Variants in RBL2 observed in about 807,000 individuals in gnomAD.
The protein encoded by RBL2 is retinoblastoma-like protein 2.
In RBL2, 56 loss-of-function variants were observed where a neutral mutation model predicts 126.0. That is an observed-to-expected ratio of 0.44 (90% CI 0.36 to 0.56). The LOEUF is 0.56. Ranked by LOEUF, RBL2 falls within the 20% of genes least tolerant of loss-of-function variation. RBL2 has a pLI of 0.00. For synonymous variants in RBL2, 454 were observed against 478.5 expected (o/e 0.95, Z 0.67); for missense variants, 1,229 against 1,398.2 (o/e 0.88, Z 1.93).
chr16:53,451,862 A>G (rs752811169), intron 5 of RBL2, 31 bp downstream of exon 5: 3 of 1,609,990 alleles, frequency 1.9e-6, no homozygotes, highest in Non-Finnish European at 1.7e-6. Flanking sequence ...TTTTTGGGCA[A>G]TCTGCGTTTC....
intron 5 of RBL2, among the ~76,000 whole-genome samples, chr16:53,452,393 T>C (rs1259419202): frequency 2.0e-5 from 3 of 152,190 alleles, no homozygotes; most frequent in African/African-American, 7.2e-5. Context: ...TTAAAAAGTA[T>C]GTATAGAGTT....
chr16:53,444,386 C>G (rs1353011702), intron 3 of RBL2, among the ~76,000 whole-genome samples: 1 of 151,798 alleles, frequency 6.6e-6, no homozygotes, highest in East Asian at 1.9e-4. Context: ...AACCCCGTCT[C>G]TACTAAAAAT....
chr16:53,458,414 G>A (rs1403352527), intron 8 of RBL2, among the ~76,000 whole-genome samples: 1 of 152,198 alleles, frequency 6.6e-6, no homozygotes, highest in Non-Finnish European at 1.5e-5. Flanking sequence ...TGTCAAGAAT[G>A]TTGACTTTAA....
At chr16:53,448,540 GTGGTAT>G (rs1367514779) in intron 4 of RBL2, among the ~76,000 whole-genome samples, 1 of 152,128 alleles carries the variant, frequency 6.6e-6, no homozygotes, top group East Asian at 1.9e-4. Flanking sequence ...CTGGAGTGCA[GTGGTAT>G]GATCTCTGCT....
chr16:53,475,414 C>T (rs1960689281), intron 17 of RBL2, among the ~76,000 whole-genome samples: 1 of 152,136 alleles, frequency 6.6e-6, no homozygotes, highest in African/African-American at 2.4e-5. Context: ...TGGAATTTCC[C>T]CATGTTGCCC....
intron 5 of RBL2, among the ~76,000 whole-genome samples, chr16:53,452,084 A>G (rs1295841155): frequency 1.3e-5 from 2 of 152,216 alleles, no homozygotes; most frequent in Non-Finnish European, 2.9e-5. Context: ...AGGAGAAGGC[A>G]TTTAGAAACT....
At chr16:53,464,436 C>G (rs2058252490) in intron 12 of RBL2, 73 bp downstream of exon 12, 7 of 1,247,568 alleles carry the variant, frequency 5.6e-6, no homozygotes, top group Non-Finnish European at 7.8e-6. Context: ...TCATTTAGTT[C>G]AAGTTAACAT....
rs1029930896 is a variant in RBL2 at position 53,465,692 on chromosome 16, G to A, written c.1863+90G>A. 31 of 1,027,876 alleles carry A rather than the reference G, an allele frequency of 3.0e-5. No homozygotes were observed. In the Admixed American group the frequency reaches 9.1e-4, roughly 30 times the overall value. 63.7% of individuals were successfully genotyped at this position (1,027,876 alleles called of 1,614,324 possible). On this transcript the variant is annotated intron_variant, in intron 13 of 21. Coordinates refer to ENST00000262133, the MANE Select transcript of RBL2 (RefSeq NM_005611.4). ...TTGGGGATGGGAGGGTGGCAATTAG[G>A]TTTAATATGTTATAATTACACCTTG...
chr16:53,440,477 A>G (rs981098127), intron 2 of RBL2, among the ~76,000 whole-genome samples: 2 of 152,194 alleles, frequency 1.3e-5, no homozygotes, highest in African/African-American at 4.8e-5. Flanking sequence ...CACAAAGGTT[A>G]TAATTCACAT....
At chr16:53,434,833 T>G in intron 1 of RBL2, 37 bp downstream of exon 1, 2 of 1,460,850 alleles carry the variant, frequency 1.4e-6, no homozygotes, top group Non-Finnish European at 1.8e-6. Flanking sequence ...CCGGCCTAGT[T>G]GGCGTGAACC....
chr16:53,480,459 T>TA (rs1960895499), intron 19 of RBL2, 108 bp from the exon 20 acceptor site: 5 of 893,206 alleles, frequency 5.6e-6, no homozygotes, highest in African/African-American at 5.0e-5. Context: ...TATTCACTGT[T>TA]ATTAGCAAGT....
intron 8 of RBL2, among the ~76,000 whole-genome samples, chr16:53,459,132 A>G (rs994472955): frequency 1.5e-4 from 23 of 152,244 alleles, no homozygotes; most frequent in Admixed American, 2.0e-4. Flanking sequence ...GCCTCCGAGC[A>G]TAAGTTTTAC....
At chr16:53,458,405 G>A (rs1741120790) in intron 8 of RBL2, among the ~76,000 whole-genome samples, 1 of 152,222 alleles carries the variant, frequency 6.6e-6, no homozygotes, top group African/African-American at 2.4e-5. Flanking sequence ...CATATTTATT[G>A]TCAAGAATGT....
Position 53,461,810 on chromosome 16 carries a change from G to A in RBL2, c.1416G>A (p.Gln472=), listed in dbSNP as rs1368886588. Residue 472 remains glutamine (Q), a synonymous_variant, in exon 10 of 22, where the codon CAG becomes CAA. Transcript: ENST00000262133. The part of the protein sequence containing the change: ...RLKEMFEIYS[Q]HFQPDEDFSN... The stretch of plus-strand genomic sequence containing the variant: ...AAGAAATGTTTGAAATATATTCTCA[G>A]CATTTCCAGCCAGACGAGGATTTCA... 2.5e-6 allele frequency: 4 copies of A among 1,612,344 alleles called. No homozygotes were observed. The Admixed American group carries it at 6.7e-5, about 27-fold the overall frequency.
At chr16:53,458,675 T>C (rs1040394251) in intron 8 of RBL2, among the ~76,000 whole-genome samples, 1 of 152,178 alleles carries the variant, frequency 6.6e-6, no homozygotes, top group Non-Finnish European at 1.5e-5. Context: ...TAATTGGACT[T>C]ACAGTTCCAC....
intron 4 of RBL2, among the ~76,000 whole-genome samples, chr16:53,450,585 G>A (rs1357109626): frequency 1.3e-5 from 2 of 152,040 alleles, no homozygotes; most frequent in Admixed American, 1.3e-4. Context: ...TAATAAAATG[G>A]TTTAACTACA....
intron 21 of RBL2, among the ~76,000 whole-genome samples, chr16:53,482,703 G>A (rs944909239): frequency 2.0e-5 from 3 of 151,906 alleles, no homozygotes; most frequent in Admixed American, 6.6e-5. Context: ...CCAGCTACTC[G>A]GGAGGCTAAG....
At position 53,490,234 on chromosome 16, in the gene RBL2, C is replaced by T; in HGVS notation, c.3354C>T (p.Cys1118=). ...GTGAATCACCTGCAAAAAGAATTTG[C>T]CCAGAAAATCATTCTGCCTTATTAC... is the stretch of plus-strand genomic sequence containing the variant. ...DGSESPAKRI[C]PENHSALLRR... The change falls in exon 22 of 22, where the codon TGC becomes TGT. Residue 1118 remains cysteine (C), a synonymous_variant. Coordinates refer to ENST00000262133, the MANE Select transcript of RBL2 (RefSeq NM_005611.4). 1 of 1,612,290 alleles carries T rather than the reference C, an allele frequency of 6.2e-7. No individual in the cohort carries two copies. Among genetic ancestry groups the T allele is most frequent in the Non-Finnish European group, 8.5e-7 (1 of 1,178,966 alleles).
intron 14 of RBL2, among the ~76,000 whole-genome samples, chr16:53,468,687 T>C (rs2058292759): frequency 1.3e-5 from 2 of 152,204 alleles, no homozygotes; most frequent in Admixed American, 1.3e-4. Context: ...TTGTATCATC[T>C]GGAAATAGAA....
Sources: allele counts gnomAD v4.1 joint callset (sites outside exome capture counted in the v4.1 genomes callset), GRCh38; gene constraint gnomAD v4.1.1; transcripts MANE v1.5; gene names NCBI Gene and HGNC (gene_info 2026-07-23, HGNC 2026-07-21).